Variants in SEC14L5 observed in about 807,000 individuals in gnomAD.
SEC14L5 encodes the protein SEC14-like protein 5.
Under a neutral mutation model 84.6 loss-of-function variants are expected in SEC14L5, and 96 were observed. The observed-to-expected ratio is 1.13, with a 90% CI of 0.96 to 1.34. The LOEUF is 1.34. SEC14L5 is among the 40% of genes most tolerant of loss of function. The probability of loss-of-function intolerance (pLI) is 0.00; values close to 1 mark genes in which losing one functional copy is unlikely to be tolerated. For missense variants in SEC14L5, 1,224 were observed against 942.5 expected (o/e 1.30, Z -3.91); for synonymous variants, 546 against 383.4 (o/e 1.42, Z -4.95).
At chr16:4,973,685 T>C (rs1057254816) in intron 2 of SEC14L5, among the ~76,000 whole-genome samples, 14 of 149,270 alleles carry the variant, frequency 9.4e-5, no homozygotes, top group Admixed American at 6.6e-5. Context: ...TGTCTCTTTT[T>C]TTTTTTTTTT....
chr16:4,992,623 A>T (rs536537025), intron 6 of SEC14L5, among the ~76,000 whole-genome samples: 5 of 152,230 alleles, frequency 3.3e-5, no homozygotes, highest in African/African-American at 1.2e-4. Context: ...TGGTTTTACT[A>T]TTTACTAACT....
At chr16:4,986,169 C>T (rs544319811) in intron 2 of SEC14L5, among the ~76,000 whole-genome samples, 10 of 148,994 alleles carry the variant, frequency 6.7e-5, no homozygotes, top group East Asian at 5.9e-4. Context: ...GACAGAGTTT[C>T]GCTCTTGTCG....
At chr16:4,961,693 A>G (rs544187449) in intron 2 of SEC14L5, among the ~76,000 whole-genome samples, 3 of 152,290 alleles carry the variant, frequency 2.0e-5, no homozygotes, top group African/African-American at 7.2e-5. Flanking sequence ...CAATGATTGT[A>G]AATATTTTCA....
At chr16:5,014,741 A>G (rs1410227394) in intron 15 of SEC14L5, 118 bp from the exon 16 acceptor site, 6 of 705,494 alleles carry the variant, frequency 8.5e-6, no homozygotes, top group East Asian at 2.6e-5. Context: ...TTCCCTTTGC[A>G]TCGGCCTGGG....
In SEC14L5 at chr16:5,015,054, G is replaced by T; in HGVS notation, c.*84G>T. On this transcript the variant is annotated 3_prime_UTR_variant, in exon 16 of 16. Transcript: ENST00000251170. ...GAGAAGCCAGCTAACTGCAGGGCCT[G>T]GGACCATGTGGGCTGGAGCCCCAGG... The T allele has an allele frequency of 1.9e-6, 2 of 1,068,564 alleles. No homozygotes were observed. The highest frequency in any genetic ancestry group is 2.8e-6 in the Non-Finnish European group (2 of 724,594). The allele number at this position is 1,068,564 out of a possible 1,614,324, so 66.2% of individuals were successfully genotyped here. A position where few individuals can be genotyped will look rare whatever the true frequency, so the allele number is the denominator to read the frequency against.
At chr16:4,965,032 C>G (rs1955180099) in intron 2 of SEC14L5, among the ~76,000 whole-genome samples, 1 of 152,064 alleles carries the variant, frequency 6.6e-6, no homozygotes, top group African/African-American at 2.4e-5. Context: ...TGCCCAGCCA[C>G]TATAATATAT....
At chr16:4,978,805 G>A (rs1259868648) in intron 2 of SEC14L5, among the ~76,000 whole-genome samples, 1 of 152,114 alleles carries the variant, frequency 6.6e-6, no homozygotes, top group African/African-American at 2.4e-5. Flanking sequence ...GTTTCACCGC[G>A]TTAGCCAGGA....
chr16:4,997,292 G>A (rs916721019), intron 8 of SEC14L5, among the ~76,000 whole-genome samples: 19 of 152,160 alleles, frequency 1.2e-4, no homozygotes, highest in Non-Finnish European at 2.2e-4. Flanking sequence ...TAGAGATGAG[G>A]TTTTGCCATT....
At position 5,000,757 on chromosome 16, in the gene SEC14L5, C is replaced by G. The variant is rs1955666444; in HGVS notation, c.1059+14C>G. 5 of 1,553,488 alleles carry G rather than the reference C, an allele frequency of 3.2e-6. No homozygotes were observed. The highest frequency in any genetic ancestry group is 1.7e-6 in the Non-Finnish European group (2 of 1,148,092). On this transcript the variant is annotated intron_variant, in intron 9 of 15. Coordinates refer to ENST00000251170, the MANE Select transcript of SEC14L5 (RefSeq NM_014692.2). ...CTGCTGCGGCATGTGAGTCAGGGGC[C>G]TCGTTCCTGGACGCCGTGCCTGGGG...
chr16:4,970,878 G>C (rs1955267923), intron 2 of SEC14L5, among the ~76,000 whole-genome samples: 1 of 152,214 alleles, frequency 6.6e-6, no homozygotes, highest in African/African-American at 2.4e-5. Context: ...GGGAGGCCGA[G>C]GCGGGTGGAT....
intron 2 of SEC14L5, among the ~76,000 whole-genome samples, chr16:4,978,140 C>T (rs867922864): frequency 1.1e-4 from 13 of 115,062 alleles, no homozygotes; most frequent in East Asian, 1.1e-3. Flanking sequence ...CTTGGCCGGG[C>T]GCGGTGGCTC....
chr16:4,960,362 G>A (rs994298109), intron 2 of SEC14L5, among the ~76,000 whole-genome samples: 34 of 152,130 alleles, frequency 2.2e-4, no homozygotes, highest in African/African-American at 8.0e-4. Flanking sequence ...TATTGAAAGT[G>A]TAAGAAACAT....
intron 2 of SEC14L5, among the ~76,000 whole-genome samples, chr16:4,983,713 C>T (rs1335737087): frequency 1.3e-5 from 2 of 151,798 alleles, no homozygotes; most frequent in African/African-American, 2.4e-5. Flanking sequence ...CCCGTCTCTA[C>T]TAGAAATACA....
rs759606470 is a variant in SEC14L5, at chr16:4,988,271, C to A, written c.336C>A (p.Cys112Ter). The change falls in exon 4 of 16, where the codon TGC becomes TGA. Residue 112 changes from cysteine (C) to a stop codon, truncating the protein, a stop_gained. Transcript: ENST00000251170. LOFTEE classifies it high-confidence loss of function. Reference sequence around the variant, plus strand: ...ACCGCGTGGTGGTGAACGAGCACTGCAGCTACACGGTGAGCCCAGGCCACC... The same window carrying A: ...ACCGCGTGGTGGTGAACGAGCACTGAAGCTACACGGTGAGCCCAGGCCACC... ...FANRVVVNEH[C>*]SYTVHPENED... is the part of the protein sequence containing the mutation. 3.7e-6 allele frequency: 6 copies of A among 1,613,720 alleles called. No homozygotes were observed. Among genetic ancestry groups the A allele is most frequent in the Non-Finnish European group, 5.1e-6 (6 of 1,179,764 alleles).
chr16:4,986,170 G>C (rs983527468), intron 2 of SEC14L5, among the ~76,000 whole-genome samples: 1 of 148,998 alleles, frequency 6.7e-6, no homozygotes, highest in East Asian at 2.0e-4. Flanking sequence ...ACAGAGTTTC[G>C]CTCTTGTCGC....
chr16:5,011,247 T>G lies in SEC14L5; in HGVS notation c.1953T>G (p.Cys651Trp), dbSNP rs1323919116. ...CCAAGTGCAAACTTCTCTACTACTG[T>G]GAGGTGCTCGCCTCTGAGGACTTCA... Reference protein sequence around the residue: ...PGPKCKLLYYCEVLASEDFRG... With the variant: ...PGPKCKLLYYWEVLASEDFRG... Residue 651 changes from cysteine to tryptophan, a missense_variant, in exon 15 of 16, where the codon TGT becomes TGG. Cys to Trp is a radical substitution (Grantham distance 215). Transcript: ENST00000251170. The G allele has an allele frequency of 6.2e-7, 1 of 1,613,788 alleles. No individual in the cohort carries two copies. Among genetic ancestry groups the G allele is most frequent in the Non-Finnish European group, 8.5e-7 (1 of 1,179,826 alleles).
rs1209138299 is a variant in SEC14L5, at chr16:4,996,470, G to C, written c.780+10G>C. ...GACCCACAAAGGCAAGGTGGGTGCAGGGGGTACCCTGGAGCAGTGGATGAA... is the reference window on the plus strand; with the variant it reads ...GACCCACAAAGGCAAGGTGGGTGCACGGGGTACCCTGGAGCAGTGGATGAA... On this transcript the variant is annotated intron_variant, in intron 7 of 15. Coordinates refer to ENST00000251170, the MANE Select transcript of SEC14L5 (RefSeq NM_014692.2). 1 of 1,484,432 alleles carries C rather than the reference G, an allele frequency of 6.7e-7. No individual in the cohort carries two copies. Among genetic ancestry groups the C allele is most frequent in the African/African-American group, 1.4e-5 (1 of 71,882 alleles). 92.0% of individuals were successfully genotyped at this position (1,484,432 alleles called of 1,614,324 possible). A position where few individuals can be genotyped will look rare whatever the true frequency, so the allele number is the denominator to read the frequency against.
chr16:5,007,962 C>T (rs1955753110), intron 13 of SEC14L5, among the ~76,000 whole-genome samples: 2 of 142,524 alleles, frequency 1.4e-5, no homozygotes, highest in Non-Finnish European at 3.0e-5. Flanking sequence ...GGCTGGAGTG[C>T]AGTGGCGCAA....
At position 4,959,307 on chromosome 16, in the gene SEC14L5, G is replaced by C; in HGVS notation, c.-17G>C. ...ACACCCCTGCCTGGTGACCTCCATT[G>C]GTGCTCCAGCGTGAACATGGTGCAA... On this transcript the variant is annotated 5_prime_UTR_variant, in exon 2 of 16. Transcript: ENST00000251170. 6.2e-7 allele frequency: 1 copy of C among 1,609,564 alleles called. No individual in the cohort carries two copies. The highest frequency in any genetic ancestry group is 8.5e-7 in the Non-Finnish European group (1 of 1,175,914).
Sources: gnomAD v4.1 joint callset for allele counts (sites outside exome capture counted in the v4.1 genomes callset) on GRCh38, gnomAD v4.1.1 for gene constraint, MANE v1.5 for transcripts, NCBI Gene and HGNC (gene_info 2026-07-23, HGNC 2026-07-21) for gene names.